The following ZNF382 variants were observed in gnomAD, a reference collection of about 807,000 sequenced individuals.
ZNF382 encodes KRAB/zinc finger suppressor protein 1.
ZNF382 carries 20 observed loss-of-function variants against 38.8 expected under a neutral mutation model. The ratio of observed to expected loss-of-function variants is 0.51; its 90% CI spans 0.36 to 0.75. The LOEUF is 0.75. Ranked by LOEUF, ZNF382 falls within the 30% of genes least tolerant of loss-of-function variation. The pLI is 0.00. For missense variants in ZNF382, 546 were observed against 654.1 expected, an observed-to-expected ratio of 0.83 and a Z score of 1.80; for synonymous variants, 202 against 223.1, an observed-to-expected ratio of 0.91 and a Z score of 0.84.
At chr19:36,625,992 T>C (rs2037209776) in intron 4 of ZNF382, 138 bp from the exon 5 acceptor site, 1 of 530,562 alleles carries the variant, frequency 1.9e-6, no homozygotes, top group Non-Finnish European at 3.1e-6. Context: ...TTATACATTT[T>C]CCCTACCAAG....
chr19:36,612,468 G>A (rs2037085526), intron 4 of ZNF382, among the ~76,000 whole-genome samples: 2 of 152,128 alleles, frequency 1.3e-5, no homozygotes, highest in South Asian at 4.1e-4. Context: ...CAGTAAACAC[G>A]TAGCAGCGAT....
intron 4 of ZNF382, among the ~76,000 whole-genome samples, chr19:36,618,622 C>T (rs2037144163): frequency 6.6e-6 from 1 of 152,162 alleles, no homozygotes. Flanking sequence ...TTCTTTCTTT[C>T]AAAGATTGCA....
chr19:36,610,772 T>C (rs1338318945), intron 4 of ZNF382, 30 bp downstream of exon 4: 2 of 1,528,362 alleles, frequency 1.3e-6, no homozygotes, highest in East Asian at 4.5e-5. Context: ...CTAGTGAACA[T>C]TAAATGTCAA....
At chr19:36,613,544 G>A (rs150186060) in intron 4 of ZNF382, among the ~76,000 whole-genome samples, 13,219 of 150,798 alleles carry the variant, frequency 0.088, 770 homozygotes, top group Non-Finnish European at 0.13. Context: ...AGGTTCAAGC[G>A]ATTCTCCTGC....
intron 4 of ZNF382, among the ~76,000 whole-genome samples, chr19:36,623,964 C>T (rs113400635): frequency 0.032 from 4,931 of 151,976 alleles, 112 homozygotes; most frequent in Non-Finnish European, 0.05. Flanking sequence ...TGGCGGGCAC[C>T]TGTAATCCCA....
chr19:36,631,478 C>G lies in ZNF382; in HGVS notation c.*3928C>G, dbSNP rs1460511668. On this transcript the variant is annotated 3_prime_UTR_variant, in exon 5 of 5. Coordinates refer to ENST00000292928, the MANE Select transcript of ZNF382 (RefSeq NM_032825.5). ...TCTCGGCTCATTGCAACCTCCGCCT[C>G]CTGGGTTCAAGTGATTCTCCTGCCT... 1 of 150,104 alleles carries G rather than the reference C, an allele frequency of 6.7e-6. No homozygotes were observed. Among genetic ancestry groups the G allele is most frequent in the African/African-American group, 2.5e-5 (1 of 40,636 alleles). 9.3% of individuals were successfully genotyped at this position (150,104 alleles called of 1,614,324 possible).
At chr19:36,612,750 G>C (rs969215050) in intron 4 of ZNF382, among the ~76,000 whole-genome samples, 5 of 152,076 alleles carry the variant, frequency 3.3e-5, no homozygotes, top group African/African-American at 1.2e-4. Flanking sequence ...TTTTATATCA[G>C]AGGCATCTGT....
At chr19:36,622,312 G>T (rs529476653) in intron 4 of ZNF382, among the ~76,000 whole-genome samples, 1 of 152,118 alleles carries the variant, frequency 6.6e-6, no homozygotes, top group East Asian at 1.9e-4. Context: ...TGAGCCACCG[G>T]TGGCACCCGG....
At chr19:36,612,005 A>G (rs2037081286) in intron 4 of ZNF382, among the ~76,000 whole-genome samples, 2 of 152,180 alleles carry the variant, frequency 1.3e-5, no homozygotes, top group African/African-American at 4.8e-5. Flanking sequence ...AATCTATTCC[A>G]TGTTTTATAG....
chr19:36,606,600 C>T (rs1403146875), intron 1 of ZNF382, among the ~76,000 whole-genome samples: 1 of 141,602 alleles, frequency 7.1e-6, no homozygotes, highest in African/African-American at 2.6e-5. Context: ...AAGTGATCCC[C>T]TCCCCCCGCC....
chr19:36,627,071 A>G lies in ZNF382; in HGVS notation c.1174A>G (p.Lys392Glu). ...CPQCGSAFRK[K>E]SYLIDHQRTH... ...TCAGTGTGGAAGTGCCTTTAGGAAG[A>G]AGTCATACCTCATTGATCACCAGAG... The change falls in exon 5 of 5, where the codon AAG becomes GAG. Residue 392 changes from lysine (K) to glutamate (E), a missense_variant. Physicochemically the swap from Lys to Glu is moderately conservative, Grantham distance 56. Coordinates refer to ENST00000292928, the MANE Select transcript of ZNF382 (RefSeq NM_032825.5). The G allele has an allele frequency of 6.2e-7, 1 of 1,614,148 alleles. No individual in the cohort carries two copies. The highest frequency in any genetic ancestry group is 8.5e-7 in the Non-Finnish European group (1 of 1,180,026).
chr19:36,626,995 C>A lies in ZNF382; in HGVS notation c.1098C>A (p.Thr366=), dbSNP rs746247001. ...GGAAGTCCTTCCGCCAGAAGGCCACCCTCACTAGACATCACAAAACACATA... is the reference window on the plus strand; with the variant it reads ...GGAAGTCCTTCCGCCAGAAGGCCACACTCACTAGACATCACAAAACACATA... ...DCGKSFRQKA[T]LTRHHKTHTG... is the part of the protein sequence containing the mutation. The change falls in exon 5 of 5, where the codon ACC becomes ACA. Residue 366 remains threonine (T), a synonymous_variant. Coordinates refer to ENST00000292928, the MANE Select transcript of ZNF382 (RefSeq NM_032825.5). 1 of 1,614,020 alleles carries A rather than the reference C, an allele frequency of 6.2e-7. No homozygotes were observed. The highest frequency in any genetic ancestry group is 1.1e-5 in the South Asian group (1 of 91,064).
At chr19:36,625,629 G>A (rs2217081) in intron 4 of ZNF382, among the ~76,000 whole-genome samples, 98,704 of 150,340 alleles carry the variant, frequency 0.66, 32,616 homozygotes, top group East Asian at 0.8. Context: ...GCACAATCTC[G>A]GCTCACTACA....
chr19:36,626,981 C>T lies in ZNF382; in HGVS notation c.1084C>T (p.Arg362Cys), dbSNP rs752404502. ...TTGTATCGATTGTGGGAAGTCCTTC[C>T]GCCAGAAGGCCACCCTCACTAGACA... The part of the protein sequence containing the change: ...FICIDCGKSF[R>C]QKATLTRHHK... The change falls in exon 5 of 5, where the codon CGC (arginine) becomes TGC (cysteine). Residue 362 changes from arginine to cysteine, a missense_variant. Arg to Cys is a radical substitution (Grantham distance 180, BLOSUM62 -3). Coordinates refer to ENST00000292928, the MANE Select transcript of ZNF382 (RefSeq NM_032825.5). The T allele has an allele frequency of 1.4e-5, 22 of 1,613,922 alleles. No homozygotes were observed. The highest frequency in any genetic ancestry group is 3.3e-5 in the Admixed American group (2 of 59,982).
chr19:36,619,861 G>A (rs1161802721), intron 4 of ZNF382, among the ~76,000 whole-genome samples: 1 of 151,846 alleles, frequency 6.6e-6, no homozygotes. Context: ...CTCCTGAGTA[G>A]CTGGGACTGC....
chr19:36,618,688 G>GT (rs146071891), intron 4 of ZNF382, among the ~76,000 whole-genome samples: 62,361 of 150,030 alleles, frequency 0.42, 13,037 homozygotes, highest in South Asian at 0.47. Flanking sequence ...AAATAAGTGG[G>GT]TTTTTTTTTT....
intron 4 of ZNF382, 25 bp from the exon 5 acceptor site, chr19:36,626,105 C>T (rs1487075206): frequency 6.8e-7 from 1 of 1,480,454 alleles, no homozygotes; most frequent in Non-Finnish European, 9.0e-7. Context: ...TGAAGACTCA[C>T]AGTGTTAATG....
At chr19:36,626,037 TA>T in intron 4 of ZNF382, 92 bp from the exon 5 acceptor site, 2 of 829,330 alleles carry the variant, frequency 2.4e-6, no homozygotes, top group Non-Finnish European at 3.5e-6. Context: ...TAGATCACGG[TA>T]GTGAGATAGT....
At chr19:36,617,121 C>T (rs2037132000) in intron 4 of ZNF382, among the ~76,000 whole-genome samples, 1 of 152,128 alleles carries the variant, frequency 6.6e-6, no homozygotes, top group African/African-American at 2.4e-5. Context: ...GGGGAACATA[C>T]ACCATCAATC....
Sources: gnomAD v4.1 joint callset for allele counts (sites outside exome capture counted in the v4.1 genomes callset) on GRCh38, gnomAD v4.1.1 for gene constraint, MANE v1.5 for transcripts, NCBI Gene and HGNC (gene_info 2026-07-23, HGNC 2026-07-21) for gene names.